ELF1: variants seen among roughly 807,000 people sequenced by gnomAD.
ELF1 encodes E74 like ETS transcription factor 1, also known as ETS-related transcription factor Elf-1.
Under a neutral mutation model 59.9 loss-of-function variants are expected in ELF1, and 24 were observed. The ratio of observed to expected loss-of-function variants is 0.40; its 90% CI spans 0.29 to 0.56. The LOEUF is 0.56. Among genes scored for constraint, ELF1 ranks in the 20% least tolerant of loss-of-function variants. The pLI, the probability that ELF1 is intolerant of heterozygous loss-of-function variation, is 0.44. For synonymous variants in ELF1, 248 were observed against 266.2 expected, an observed-to-expected ratio of 0.93 and a Z score of 0.67; for missense variants, 627 against 742.2, an observed-to-expected ratio of 0.84 and a Z score of 1.80.
At chr13:40,959,126 T>G in intron 2 of ELF1, 110 bp from the exon 3 acceptor site, 1 of 1,379,798 alleles carries the variant, frequency 7.2e-7, no homozygotes, top group Non-Finnish European at 9.5e-7. Flanking sequence ...AATTTTTAGA[T>G]CATCAGGCTG....
intron 2 of ELF1, among the ~76,000 whole-genome samples, chr13:40,971,201 T>C (rs772671508): frequency 3.3e-5 from 5 of 152,220 alleles, no homozygotes; most frequent in Non-Finnish European, 5.9e-5. Context: ...ATATATAGAT[T>C]GATAGTTATC....
intron 1 of ELF1, among the ~76,000 whole-genome samples, chr13:41,034,787 T>C (rs1405803791): frequency 5.3e-5 from 7 of 130,910 alleles, no homozygotes; most frequent in Non-Finnish European, 9.5e-5. Flanking sequence ...TTAATATTCC[T>C]ATTAAAAAAA....
chr13:40,950,058 G>T, intron 4 of ELF1, 85 bp from the exon 5 acceptor site: 2 of 1,181,968 alleles, frequency 1.7e-6, no homozygotes, highest in South Asian at 3.5e-5. Flanking sequence ...TTTCTATTAT[G>T]ACTAGAAGAT....
chr13:40,934,527 A>G (rs1869637039), intron 8 of ELF1, among the ~76,000 whole-genome samples: 1 of 144,254 alleles, frequency 6.9e-6, no homozygotes, highest in Non-Finnish European at 1.5e-5. Context: ...GGTTCAAGCC[A>G]TTCTCCTGTC....
intron 2 of ELF1, among the ~76,000 whole-genome samples, chr13:40,973,204 G>T (rs1872685736): frequency 6.6e-6 from 1 of 152,298 alleles, no homozygotes; most frequent in South Asian, 2.1e-4. Flanking sequence ...TCATCCTGCT[G>T]ATAAGTTTCC....
In ELF1 at chr13:40,933,935, T is replaced by C. The variant is rs1033120802; in HGVS notation, c.1350A>G (p.Thr450=). 6.2e-7 allele frequency: 1 copy of C among 1,614,134 alleles called. No individual in the cohort carries two copies. The highest frequency in any genetic ancestry group is 1.7e-5 in the Admixed American group (1 of 60,008). Residue 450 remains threonine, a synonymous_variant, in exon 9 of 9, where the codon ACA becomes ACG. Transcript: ENST00000239882. The part of the protein sequence containing the change: ...TVTLQTVPLT[T]VIASTDPSAG... ...CTGATGGATCTGTGCTGGCTATAAC[T>C]GTTGTGAGTGGCACTGTTTGGAGTG...
intron 1 of ELF1, among the ~76,000 whole-genome samples, chr13:41,007,583 G>A (rs535715046): frequency 2.7e-4 from 41 of 152,052 alleles, no homozygotes; most frequent in Non-Finnish European, 4.9e-4. Flanking sequence ...CAACTAAATG[G>A]AAGCACTGAG....
At chr13:40,973,633 G>A (rs973142509) in intron 2 of ELF1, among the ~76,000 whole-genome samples, 11 of 151,028 alleles carry the variant, frequency 7.3e-5, no homozygotes, top group Non-Finnish European at 1.5e-5. Context: ...CAACAGAGGT[G>A]CTAATTTCCT....
chr13:41,011,076 A>C (rs981600313), intron 1 of ELF1, among the ~76,000 whole-genome samples: 4 of 152,240 alleles, frequency 2.6e-5, no homozygotes, highest in Non-Finnish European at 5.9e-5. Flanking sequence ...AAGAATTCTA[A>C]GGAAGCTACA....
In ELF1 at chr13:41,049,812, T is replaced by C. The variant is rs535364919; in HGVS notation, c.-229+11026A>G. On this transcript the variant is annotated intron_variant, in intron 1 of 1. Coordinates refer to the ELF1 transcript ENST00000405737. ...GCCATGCGTGTACACTTAAGCACAC[T>C]TTTTACTTGTTCAATCCATGTCCGT... Among the ~76,000 whole-genome samples the C allele has an allele frequency of 1.1e-4, 16 of 152,356 alleles. No individual in the cohort carries two copies. The South Asian group carries it at 2.7e-3, about 26-fold the overall frequency.
intron 1 of ELF1, among the ~76,000 whole-genome samples, chr13:41,004,467 G>A (rs958824252): frequency 2.6e-5 from 4 of 152,062 alleles, no homozygotes; most frequent in African/African-American, 9.7e-5. Flanking sequence ...TAACATTAGG[G>A]ATACAGGATC....
intron 1 of ELF1, among the ~76,000 whole-genome samples, chr13:41,028,313 T>A (rs1876022067): frequency 6.6e-6 from 1 of 152,210 alleles, no homozygotes; most frequent in Non-Finnish European, 1.5e-5. Context: ...ATGTCTGGAA[T>A]ACAGGAGATC....
At chr13:40,997,797 A>G (rs1179312463) in intron 1 of ELF1, among the ~76,000 whole-genome samples, 2 of 152,290 alleles carry the variant, frequency 1.3e-5, no homozygotes, top group African/African-American at 4.8e-5. Flanking sequence ...GATTCTTCCT[A>G]CAATCATCTT....
At chr13:40,993,646 A>G (rs1873984106) in intron 1 of ELF1, among the ~76,000 whole-genome samples, 2 of 151,656 alleles carry the variant, frequency 1.3e-5, no homozygotes, top group South Asian at 4.2e-4. Context: ...ACACCTGACT[A>G]ATTTTTTATA....
At chr13:40,982,834 T>A in intron 1 of ELF1, 1 of 982,954 alleles carries the variant, frequency 1.0e-6, no homozygotes, top group Non-Finnish European at 1.2e-6. Context: ...AGGCTTCTGA[T>A]AAGTAAAATG....
rs148719932 is a variant in ELF1, at chr13:40,952,346, T to C, written c.254-910A>G. ...AATCTAAGCCTCAAATTTCATAAAA[T>C]CATTAAATCTTTTTGGTTTTGCTTT... On this transcript the variant is annotated intron_variant, in intron 3 of 8. Coordinates refer to ENST00000239882, the MANE Select transcript of ELF1 (RefSeq NM_172373.4). Among the ~76,000 whole-genome samples, 150 of 147,000 alleles carry C rather than the reference T, an allele frequency of 1.0e-3. 1 individual carries two copies. Among genetic ancestry groups the C allele is most frequent in the East Asian group, 2.9e-3 (15 of 5,152 alleles).
At chr13:40,966,961 A>G (rs1872213657) in intron 2 of ELF1, among the ~76,000 whole-genome samples, 1 of 152,318 alleles carries the variant, frequency 6.6e-6, no homozygotes, top group African/African-American at 2.4e-5. Flanking sequence ...AAACACCAAG[A>G]GGGGTCTGGT....
intron 1 of ELF1, among the ~76,000 whole-genome samples, chr13:41,055,394 T>C (rs940200047): frequency 3.3e-5 from 5 of 151,420 alleles, no homozygotes; most frequent in Non-Finnish European, 7.4e-5. Flanking sequence ...TCCCCATCCC[T>C]GTCTCTACCA....
chr13:40,953,648 A>G (rs1356681360), intron 3 of ELF1, among the ~76,000 whole-genome samples: 2 of 152,214 alleles, frequency 1.3e-5, no homozygotes, highest in Non-Finnish European at 2.9e-5. Flanking sequence ...CAGTCCTAGC[A>G]AACTAACACA....
Sources: allele counts gnomAD v4.1 joint callset (sites outside exome capture counted in the v4.1 genomes callset), GRCh38; gene constraint gnomAD v4.1.1; transcripts MANE v1.5; gene names NCBI Gene and HGNC (gene_info 2026-07-23, HGNC 2026-07-21).